The following MAP2K5 variants were observed in gnomAD, a reference collection of about 807,000 sequenced individuals.
MAP2K5 encodes the protein mitogen-activated protein kinase kinase 5, also known as dual specificity mitogen-activated protein kinase kinase 5.
A neutral mutation model predicts 83.1 loss-of-function variants in MAP2K5; 49 were observed. That is an observed-to-expected ratio of 0.59 (90% CI 0.47 to 0.75). The LOEUF is 0.75. Among genes scored for constraint, MAP2K5 ranks in the 30% least tolerant of loss-of-function variants. MAP2K5 has a pLI of 0.00. For synonymous variants in MAP2K5, 202 were observed against 191.8 expected (o/e 1.05, Z -0.44); for missense variants, 457 against 557.5 (o/e 0.82, Z 1.82).
chr15:67,569,870 A>G (rs1596572488), intron 3 of MAP2K5, among the ~76,000 whole-genome samples: 1 of 152,230 alleles, frequency 6.6e-6, no homozygotes, highest in East Asian at 1.9e-4. Context: ...ATTTATAACA[A>G]AATGTCTCAT....
chr15:67,586,024 A>G (rs2085281754), intron 5 of MAP2K5, 94 bp downstream of exon 5: 1 of 1,085,312 alleles, frequency 9.2e-7, no homozygotes, highest in Non-Finnish European at 1.4e-6. Context: ...CACTTTCTCA[A>G]GCTCTGACAA....
At chr15:67,703,282 GTGT>G in intron 15 of MAP2K5, 52 bp from the exon 16 acceptor site, 1 of 1,300,608 alleles carries the variant, frequency 7.7e-7, no homozygotes, top group Non-Finnish European at 1.1e-6. Context: ...TTTGGTGTAT[GTGT>G]TTTCCTGAGT....
At chr15:67,655,754 TA>T (rs1456205047) in intron 11 of MAP2K5, among the ~76,000 whole-genome samples, 1 of 152,184 alleles carries the variant, frequency 6.6e-6, no homozygotes, top group African/African-American at 2.4e-5. Context: ...ATTCACTTTT[TA>T]AAATCAAATT....
intron 8 of MAP2K5, among the ~76,000 whole-genome samples, chr15:67,625,252 G>C (rs2086290887): frequency 6.6e-6 from 1 of 152,104 alleles, no homozygotes. Flanking sequence ...TTAAATATTT[G>C]AAAAACTTAC....
At position 67,563,389 on chromosome 15, in the gene MAP2K5, T is replaced by G. The variant is rs769137126; in HGVS notation, c.252+39T>G. 2 of 1,588,426 alleles carry G rather than the reference T, an allele frequency of 1.3e-6. No homozygotes were observed. Among genetic ancestry groups the G allele is most frequent in the Non-Finnish European group, 1.7e-6 (2 of 1,169,108 alleles). On this transcript the variant is annotated intron_variant, in intron 3 of 21. Coordinates refer to ENST00000178640, the MANE Select transcript of MAP2K5 (RefSeq NM_145160.3). The surrounding 1 kb of genome is among the most constrained non-coding windows in gnomAD (Gnocchi z 4.5). ...AAATGAAGACTATTTTTTAAAATCT[T>G]AACGTGATTGAGGATGCTGTTTCTT...
intron 19 of MAP2K5, among the ~76,000 whole-genome samples, chr15:67,754,862 T>C (rs1450516600): frequency 6.6e-6 from 1 of 152,164 alleles, no homozygotes; most frequent in Non-Finnish European, 1.5e-5. Context: ...CCAAGGGATA[T>C]GCTTGGAAGG....
intron 6 of MAP2K5, among the ~76,000 whole-genome samples, chr15:67,590,119 G>A (rs950590613): frequency 6.6e-6 from 1 of 151,984 alleles, no homozygotes; most frequent in Non-Finnish European, 1.5e-5. Context: ...TAGATGTGGT[G>A]GGACATTAAA....
At position 67,768,052 on chromosome 15, in the gene MAP2K5, G is replaced by GT. The variant is rs1297643405; in HGVS notation, c.1135-1544dup. Among the ~76,000 whole-genome samples, 1 of 152,052 alleles carries GT rather than the reference G, an allele frequency of 6.6e-6. No homozygotes were observed. Among genetic ancestry groups the GT allele is most frequent in the African/African-American group, 2.4e-5 (1 of 41,396 alleles). On this transcript the variant is annotated intron_variant, in intron 19 of 21. Transcript: ENST00000178640. This position sits in a 1 kb window ranked among gnomAD's most constrained non-coding sequence, Gnocchi z 4.0. ...TTTCTTTTCTTGTAGCCTCTTCGGT[G>GT]TTTTTTGTTGTCTGTTTTTTGTTGT...
intron 15 of MAP2K5, among the ~76,000 whole-genome samples, chr15:67,696,126 G>A (rs1358717096): frequency 2.2e-5 from 1 of 45,018 alleles, no homozygotes; most frequent in Admixed American, 3.5e-4. Flanking sequence ...AAAGAGCTGA[G>A]CTTTTTTTTT....
At chr15:67,667,746 AAACT>A (rs2087420370) in intron 13 of MAP2K5, among the ~76,000 whole-genome samples, 1 of 152,230 alleles carries the variant, frequency 6.6e-6, no homozygotes, top group South Asian at 2.1e-4. Context: ...AAAAGAGAAC[AAACT>A]ATTTCTCGCA....
Position 67,693,554 on chromosome 15 carries a change from A to C in MAP2K5, c.958A>C (p.Asn320His). The change falls in exon 15 of 22, where the codon AAT becomes CAT. Residue 320 changes from asparagine to histidine, a missense_variant. By Grantham distance (68) the Asn-to-His change is moderately conservative. Transcript: ENST00000178640. Reference sequence around the variant, plus strand: ...TATAGCCAAGACGTATGTTGGAACAAATGCTTATATGGCGGTAAGTAAACT... The same window carrying C: ...TATAGCCAAGACGTATGTTGGAACACATGCTTATATGGCGGTAAGTAAACT... ...NSIAKTYVGT[N>H]AYMAPERISG... 6.2e-7 allele frequency: 1 copy of C among 1,611,972 alleles called. No homozygotes were observed. The highest frequency in any genetic ancestry group is 8.5e-7 in the Non-Finnish European group (1 of 1,178,566).
chr15:67,582,148 G>C (rs1181546298), intron 4 of MAP2K5, among the ~76,000 whole-genome samples: 2 of 141,960 alleles, frequency 1.4e-5, no homozygotes, highest in Non-Finnish European at 3.0e-5. Context: ...CGCAACCTCT[G>C]ACTCCCTGGT....
At position 67,692,191 on chromosome 15, in the gene MAP2K5, T is replaced by A. The variant is rs954787435; in HGVS notation, c.848-288T>A. 2.6e-5 allele frequency among the ~76,000 whole-genome samples: 4 copies of A among 152,222 alleles called. No individual in the cohort carries two copies. The South Asian group carries it at 8.3e-4, about 32-fold the overall frequency. On this transcript the variant is annotated intron_variant, in intron 13 of 21. Transcript: ENST00000178640. Reference sequence around the variant, plus strand: ...TTTTCCTGAAAAACTAGGGATAGGATGATGGGTGTATTTACTGTTGTTGTA... The same window carrying A: ...TTTTCCTGAAAAACTAGGGATAGGAAGATGGGTGTATTTACTGTTGTTGTA...
chr15:67,683,602 A>T (rs1395902927), intron 13 of MAP2K5, among the ~76,000 whole-genome samples: 1 of 152,048 alleles, frequency 6.6e-6, no homozygotes, highest in African/African-American at 2.4e-5. Context: ...TCACTACTAA[A>T]AGTACAAAAA....
intron 21 of MAP2K5, among the ~76,000 whole-genome samples, chr15:67,804,403 G>A (rs913721307): frequency 5.3e-5 from 8 of 152,304 alleles, no homozygotes; most frequent in East Asian, 1.9e-4. Context: ...GTAAAGTATC[G>A]GGGATACAAC....
At chr15:67,585,499 C>T (rs576363163) in intron 4 of MAP2K5, among the ~76,000 whole-genome samples, 3 of 152,076 alleles carry the variant, frequency 2.0e-5, no homozygotes, top group Non-Finnish European at 4.4e-5. Context: ...TTTCTCACCC[C>T]GCTTGCTCAC....
At position 67,747,700 on chromosome 15, in the gene MAP2K5, G is replaced by A. The variant is rs1239599593; in HGVS notation, c.1075-531G>A. Among the ~76,000 whole-genome samples, 1 of 152,160 alleles carries A rather than the reference G, an allele frequency of 6.6e-6. No homozygotes were observed. The highest frequency in any genetic ancestry group is 1.5e-5 in the Non-Finnish European group (1 of 68,042). ...AGGCAGAAGGAACTTTGGAAAAGGTGGAGTTGTTACCCCACTCCTAAGTTA... is the reference window on the plus strand; with the variant it reads ...AGGCAGAAGGAACTTTGGAAAAGGTAGAGTTGTTACCCCACTCCTAAGTTA... On this transcript the variant is annotated intron_variant, in intron 17 of 21. Transcript: ENST00000178640. The surrounding 1 kb of genome is among the most constrained non-coding windows in gnomAD (Gnocchi z 4.1).
intron 7 of MAP2K5, among the ~76,000 whole-genome samples, chr15:67,595,236 T>A (rs1215857081): frequency 6.6e-6 from 1 of 152,212 alleles, no homozygotes; most frequent in Non-Finnish European, 1.5e-5. Flanking sequence ...AATATTTATT[T>A]CTTTTCTGTC....
intron 8 of MAP2K5, among the ~76,000 whole-genome samples, chr15:67,629,966 G>A (rs942352708): frequency 1.2e-4 from 18 of 152,114 alleles, no homozygotes; most frequent in African/African-American, 3.1e-4. Flanking sequence ...TAAAAGGTAC[G>A]GTGGCTCACT....
Sources: allele counts gnomAD v4.1 joint callset (sites outside exome capture counted in the v4.1 genomes callset), GRCh38; gene constraint gnomAD v4.1.1; non-coding constraint Gnocchi (gnomAD v3.1); transcripts MANE v1.5; gene names NCBI Gene and HGNC (gene_info 2026-07-23, HGNC 2026-07-21).